The following INF2 variants were observed in gnomAD, a reference collection of about 807,000 sequenced individuals.
The protein encoded by INF2 is inverted formin-2.
A neutral mutation model predicts 123.5 loss-of-function variants in INF2; 43 were observed. The observed-to-expected ratio is 0.35, with a 90% CI of 0.27 to 0.45. The LOEUF is 0.45. INF2 is among the 20% of genes least tolerant of loss of function. The pLI is 1.00. For missense variants in INF2, 1,453 were observed against 1,682.7 expected, an observed-to-expected ratio of 0.86 and a Z score of 2.39; for synonymous variants, 851 against 745.0, an observed-to-expected ratio of 1.14 and a Z score of -2.32.
chr14:104,708,240 GGGTGCCAT>G (rs1216665308), intron 8 of INF2, 188 bp from the exon 9 acceptor site: 2 of 868,352 alleles, frequency 2.3e-6, no homozygotes, highest in East Asian at 2.7e-5. Flanking sequence ...AGTGCATCTG[GGGTGCCAT>G]GGTGCCCTGG....
In INF2 at chr14:104,707,853, C is replaced by T. The variant is rs1250919297; in HGVS notation, c.1586C>T (p.Pro529Leu). 1.2e-6 allele frequency: 2 copies of T among 1,605,664 alleles called. No homozygotes were observed. Among genetic ancestry groups the T allele is most frequent in the Admixed American group, 3.3e-5 (2 of 59,830 alleles). The change falls in exon 8 of 23, where the codon CCC becomes CTC. Residue 529 changes from proline (P) to leucine (L), a missense_variant. Physicochemically the swap from Pro to Leu is moderately conservative, Grantham distance 98 (BLOSUM62 -3). Coordinates refer to ENST00000392634, the MANE Select transcript of INF2 (RefSeq NM_022489.4). Reference protein sequence around the residue: ...PPLLPCTCSPPVAGGMEEVIV... With the variant: ...PPLLPCTCSPLVAGGMEEVIV... ...CTACTGCCCTGCACCTGCAGCCCCCCCGTGGCGGGAGGCATGGAGGAGGTC... is the reference window on the plus strand; with the variant it reads ...CTACTGCCCTGCACCTGCAGCCCCCTCGTGGCGGGAGGCATGGAGGAGGTC...
At chr14:104,684,812 G>A (rs1397348325), upstream of INF2, 1 of 152,214 alleles carries the variant, frequency 6.6e-6, no homozygotes, top group Non-Finnish European at 1.5e-5. The surrounding 1 kb of genome is among the most constrained non-coding windows in gnomAD (Gnocchi z 5.0). Flanking sequence ...GCTCCTAAGG[G>A]AAATAGAGGG....
intron 2 of INF2, among the ~76,000 whole-genome samples, chr14:104,702,381 G>A (rs989113525): frequency 1.3e-5 from 2 of 152,246 alleles, no homozygotes; most frequent in Non-Finnish European, 2.9e-5. Flanking sequence ...GCGCCGCTAA[G>A]CCTTTAAGCC....
upstream of INF2, among the ~76,000 whole-genome samples, chr14:104,688,830 TG>T (rs766242776): frequency 1.2e-3 from 188 of 152,314 alleles, no homozygotes; most frequent in Non-Finnish European, 2.2e-3. Flanking sequence ...CTTCCAGAGC[TG>T]GGGTCTGGCT....
chr14:104,688,622 A>C (rs868043387), upstream of INF2, among the ~76,000 whole-genome samples: 2 of 152,078 alleles, frequency 1.3e-5, no homozygotes, highest in African/African-American at 4.8e-5. Context: ...ACAGAGTCAT[A>C]TCCGAGCCTG....
chr14:104,708,047 G>C, intron 8 of INF2, 45 bp downstream of exon 8: 1 of 1,597,664 alleles, frequency 6.3e-7, no homozygotes, highest in South Asian at 1.1e-5. Context: ...CTAGGACGGG[G>C]GCTGGTCTCT....
At chr14:104,710,696 G>C (rs1890010922) in intron 13 of INF2, 1 of 575,550 alleles carries the variant, frequency 1.7e-6, no homozygotes. Context: ...GGCAGGGAGA[G>C]GGACAGGTAC....
intron 1 of INF2, among the ~76,000 whole-genome samples, chr14:104,697,541 C>T (rs932184089): frequency 2.6e-5 from 4 of 152,094 alleles, no homozygotes; most frequent in African/African-American, 9.6e-5. Context: ...ACCCACACCA[C>T]ACACTCAGCT....
intron 22 of INF2, 27 bp downstream of exon 22, chr14:104,715,367 G>A: frequency 1.2e-6 from 2 of 1,603,242 alleles, no homozygotes; most frequent in Non-Finnish European, 1.7e-6. Flanking sequence ...CGCTCCGTGG[G>A]GGCTAACAGC....
At chr14:104,717,875 C>A (rs1890386566) in intron 22 of INF2, among the ~76,000 whole-genome samples, 1 of 143,128 alleles carries the variant, frequency 7.0e-6, no homozygotes, top group Admixed American at 6.7e-5. Context: ...TCCGAGCGTT[C>A]CCCCCTCCCC....
At position 104,695,519 on chromosome 14, in the gene INF2, G is replaced by A. The variant is rs1889146307; in HGVS notation, c.-10+5780G>A. On this transcript the variant is annotated intron_variant, in intron 1 of 22. Transcript: ENST00000392634. Reference sequence around the variant, plus strand: ...CTCAGTGCAGGTGGAAGCGAGAGCTGGGCTTCCTGGCGTGGGGCCTCCGCC... The same window carrying A: ...CTCAGTGCAGGTGGAAGCGAGAGCTAGGCTTCCTGGCGTGGGGCCTCCGCC... Among the ~76,000 whole-genome samples the A allele has an allele frequency of 2.1e-5, 3 of 141,316 alleles. No homozygotes were observed. The Admixed American group carries it at 2.2e-4, about 10-fold the overall frequency. The allele number at this position is 141,316 out of a possible 152,430, so 92.7% of individuals were successfully genotyped here. A position where few individuals can be genotyped will look rare whatever the true frequency, so the allele number is the denominator to read the frequency against.
intron 12 of INF2, 28 bp from the exon 13 acceptor site, chr14:104,710,050 GGGTGCAGGCC>G: frequency 1.3e-6 from 2 of 1,483,190 alleles, no homozygotes; most frequent in Non-Finnish European, 1.8e-6. Flanking sequence ...GACAGGTGGG[GGGTGCAGGCC>G]ACTGATCCCT....
chr14:104,694,182 C>T (rs1199966707), intron 1 of INF2, among the ~76,000 whole-genome samples: 3 of 152,228 alleles, frequency 2.0e-5, no homozygotes, highest in Non-Finnish European at 4.4e-5. Flanking sequence ...GCCACACGGG[C>T]GGTGCTGGCA....
chr14:104,715,963 AC>A (rs1009417983), intron 22 of INF2: 4 of 455,654 alleles, frequency 8.8e-6, no homozygotes, highest in Admixed American at 2.4e-5. Context: ...GAAGCAGATT[AC>A]CCCCCGCACA....
rs371962265 is a variant in INF2 at position 104,703,968 on chromosome 14, G to A, written c.701+19G>A. 41 of 1,608,518 alleles carry A rather than the reference G, an allele frequency of 2.5e-5. 1 individual carries two copies. Among genetic ancestry groups the A allele is most frequent in the Middle Eastern group, 1.7e-4 (1 of 5,970 alleles). On this transcript the variant is annotated intron_variant, in intron 5 of 22. Coordinates refer to ENST00000392634, the MANE Select transcript of INF2 (RefSeq NM_022489.4). ...GCCTGCGGTGAGTCCCCACTGTAGC[G>A]GTCCTGCCGGCTCCCCCTCCTGCTC...
intron 1 of INF2, chr14:104,681,684 A>G: frequency 1.0e-6 from 1 of 962,526 alleles, no homozygotes; most frequent in Non-Finnish European, 1.4e-6. Context: ...CAGGAGGCAC[A>G]GGCCCCTGAG....
intron 1 of INF2, among the ~76,000 whole-genome samples, chr14:104,692,814 A>G (rs1226894148): frequency 6.6e-6 from 1 of 152,266 alleles, no homozygotes; most frequent in African/African-American, 2.4e-5. Flanking sequence ...GCCAAGGGCA[A>G]GGGCCAAGGC....
In INF2 at chr14:104,701,744, C is replaced by G; in HGVS notation, c.379C>G (p.Gln127Glu). Residue 127 changes from glutamine to glutamate, a missense_variant, in exon 2 of 23, where the codon CAG (glutamine) becomes GAG (glutamate). Physicochemically the swap from Gln to Glu is conservative, Grantham distance 29 (BLOSUM62 2). Coordinates refer to ENST00000392634, the MANE Select transcript of INF2 (RefSeq NM_022489.4). ...CCTCAGCAACCAGGGCTACGTGCGC[C>G]AGCTCTCCCAGGGTGAGCCGCAGTG... ...YILSNQGYVR[Q>E]LSQALDTSNV... The G allele has an allele frequency of 6.6e-7, 1 of 1,514,172 alleles. No individual in the cohort carries two copies. The highest frequency in any genetic ancestry group is 8.8e-7 in the Non-Finnish European group (1 of 1,130,006). The allele number at this position is 1,514,172 out of a possible 1,614,324, so 93.8% of individuals were successfully genotyped here. A position where few individuals can be genotyped will look rare whatever the true frequency, so the allele number is the denominator to read the frequency against.
Position 104,714,642 on chromosome 14 carries a change from T to C in INF2, c.3480T>C (p.Gly1160=), listed in dbSNP as rs1890207708. ...EGLEDAVHSR[G]ARPPAAGPGG... ...TGGAGGACGCTGTCCACAGCCGTGG[T>C]GCCAGACCCCCTGCAGCAGGCCCAG... The change falls in exon 21 of 23, where the codon GGT becomes GGC. Residue 1160 remains glycine (G), a synonymous_variant. Transcript: ENST00000392634. 2 of 1,612,388 alleles carry C rather than the reference T, an allele frequency of 1.2e-6. No homozygotes were observed. Among genetic ancestry groups the C allele is most frequent in the Non-Finnish European group, 8.5e-7 (1 of 1,179,778 alleles).
Sources: allele counts gnomAD v4.1 joint callset (sites outside exome capture counted in the v4.1 genomes callset), GRCh38; gene constraint gnomAD v4.1.1; non-coding constraint Gnocchi (gnomAD v3.1); transcripts MANE v1.5; gene names NCBI Gene and HGNC (gene_info 2026-07-23, HGNC 2026-07-21).